CMSS1: variants seen among roughly 807,000 people sequenced by gnomAD.
CMSS1 encodes the protein protein CMSS1.
A neutral mutation model predicts 43.5 loss-of-function variants in CMSS1; 33 were observed. The ratio of observed to expected loss-of-function variants is 0.76; its 90% confidence interval spans 0.57 to 1.01. The LOEUF (loss-of-function observed/expected upper bound fraction) is 1.01, where lower values mean the gene tolerates loss of function less well. CMSS1 is among the 50% of genes least tolerant of loss of function. The pLI is 0.00. For missense variants in CMSS1, 313 were observed against 326.4 expected (o/e 0.96, Z 0.32); for synonymous variants, 115 against 117.2 (o/e 0.98, Z 0.12).
intron 1 of CMSS1, among the ~76,000 whole-genome samples, chr3:100,030,074 A>G (rs1294292252): frequency 2.6e-5 from 4 of 152,202 alleles, no homozygotes; most frequent in Non-Finnish European, 5.9e-5. Context: ...AAAGGACCTT[A>G]AAACCCTTGT....
chr3:99,976,974 G>A (rs1013398486), intron 1 of CMSS1, among the ~76,000 whole-genome samples: 1 of 152,176 alleles, frequency 6.6e-6, no homozygotes, highest in African/African-American at 2.4e-5. Flanking sequence ...GCACCTTGCA[G>A]GAATTCTATC....
intron 1 of CMSS1, among the ~76,000 whole-genome samples, chr3:99,929,406 A>T (rs1464465290): frequency 6.6e-6 from 1 of 152,222 alleles, no homozygotes; most frequent in African/African-American, 2.4e-5. Flanking sequence ...ATTTCCATTC[A>T]TGTTCAAAAT....
chr3:99,989,988 T>A (rs1270774896), intron 1 of CMSS1, among the ~76,000 whole-genome samples: 1 of 152,126 alleles, frequency 6.6e-6, no homozygotes, highest in Non-Finnish European at 1.5e-5. Context: ...ATAATGCCAG[T>A]GGTTTATTTC....
In CMSS1 at chr3:99,873,364, G is replaced by A. The variant is rs550134463; in HGVS notation, c.64+55321G>A. ...GTATTAGATTTTTCAAAGATGACAG[G>A]CTCTGTGAACAACAGATGGGGCCAT... is the stretch of plus-strand genomic sequence containing the variant. On this transcript the variant is annotated intron_variant, in intron 1 of 9. Coordinates refer to ENST00000421999, the MANE Select transcript of CMSS1 (RefSeq NM_032359.4). Among the ~76,000 whole-genome samples, 138 of 152,288 alleles carry A rather than the reference G, an allele frequency of 9.1e-4. 1 individual carries two copies. Among genetic ancestry groups the A allele is most frequent in the South Asian group, 6.2e-3 (30 of 4,824 alleles).
At chr3:99,877,476 T>C (rs1705573727) in intron 1 of CMSS1, among the ~76,000 whole-genome samples, 1 of 152,166 alleles carries the variant, frequency 6.6e-6, no homozygotes. Flanking sequence ...GGAGTTCACT[T>C]TATCATTATT....
chr3:99,995,371 G>A (rs1349159944), intron 1 of CMSS1, among the ~76,000 whole-genome samples: 2 of 152,174 alleles, frequency 1.3e-5, no homozygotes, highest in Admixed American at 1.3e-4. Context: ...ATGGTCTTAG[G>A]CAGCTCAGCC....
At chr3:99,964,796 A>G (rs1480935312) in intron 1 of CMSS1, among the ~76,000 whole-genome samples, 2 of 152,148 alleles carry the variant, frequency 1.3e-5, no homozygotes, top group Non-Finnish European at 2.9e-5. Context: ...AGGCTACCCA[A>G]GGGGGATCAT....
chr3:99,956,636 C>G (rs566306572), intron 1 of CMSS1, among the ~76,000 whole-genome samples: 8 of 152,314 alleles, frequency 5.3e-5, no homozygotes, highest in Middle Eastern at 3.4e-3. Flanking sequence ...CGTGAGCCCC[C>G]GCGCCCAGCC....
At chr3:99,920,255 C>T (rs1168448751) in intron 1 of CMSS1, among the ~76,000 whole-genome samples, 6 of 151,876 alleles carry the variant, frequency 4.0e-5, no homozygotes, top group African/African-American at 1.5e-4. Flanking sequence ...CAAAAAAAAG[C>T]AACTCTTTTT....
intron 4 of CMSS1, among the ~76,000 whole-genome samples, chr3:100,165,669 G>C (rs1383037534): frequency 1.3e-5 from 2 of 151,964 alleles, no homozygotes; most frequent in African/African-American, 4.8e-5. Context: ...TGGACACCTA[G>C]GTTGCTTCAA....
chr3:99,965,219 A>G (rs1451609363), intron 1 of CMSS1, among the ~76,000 whole-genome samples: 2 of 152,226 alleles, frequency 1.3e-5, no homozygotes, highest in Admixed American at 6.5e-5. Flanking sequence ...AAACAAATAT[A>G]TGAGTCAGGT....
intron 2 of CMSS1, among the ~76,000 whole-genome samples, chr3:100,155,265 G>A (rs2066961537): frequency 1.3e-5 from 2 of 152,108 alleles, no homozygotes; most frequent in South Asian, 4.2e-4. Flanking sequence ...TATGATGATG[G>A]AAATATTGTT....
At chr3:100,109,467 CT>C (rs1185892839) in intron 1 of CMSS1, among the ~76,000 whole-genome samples, 3 of 152,142 alleles carry the variant, frequency 2.0e-5, no homozygotes, top group Admixed American at 1.3e-4. Flanking sequence ...CCTGCTCACC[CT>C]TTTGTAGTCA....
chr3:100,148,369 A>G (rs901152181), intron 2 of CMSS1, among the ~76,000 whole-genome samples: 1 of 152,160 alleles, frequency 6.6e-6, no homozygotes, highest in East Asian at 1.9e-4. Context: ...CATGAGCCGC[A>G]GTGCCTGGCT....
At chr3:100,139,905 A>G (rs1211927864) in intron 1 of CMSS1, among the ~76,000 whole-genome samples, 2 of 152,000 alleles carry the variant, frequency 1.3e-5, no homozygotes, top group Non-Finnish European at 2.9e-5. Context: ...TATAAATTAG[A>G]ACAGCAGAGT....
rs1403724250 is a variant in CMSS1, at chr3:100,181,165, A to T, written c.*2777A>T. 6.6e-6 allele frequency: 1 copy of T among 152,248 alleles called. No homozygotes were observed. The highest frequency in any genetic ancestry group is 6.5e-5 in the Admixed American group (1 of 15,292). 9.4% of individuals were successfully genotyped at this position (152,248 alleles called of 1,614,324 possible). Reference sequence around the variant, plus strand: ...CCCCAACACTGGGAATTACAATTCGACATGAAACTTGGGTGGGGACACAGC... The same window carrying T: ...CCCCAACACTGGGAATTACAATTCGTCATGAAACTTGGGTGGGGACACAGC... On this transcript the variant is annotated 3_prime_UTR_variant, in exon 10 of 10. Coordinates refer to ENST00000421999, the MANE Select transcript of CMSS1 (RefSeq NM_032359.4).
At chr3:100,009,673 A>T (rs1441396055) in intron 1 of CMSS1, among the ~76,000 whole-genome samples, 1 of 152,246 alleles carries the variant, frequency 6.6e-6, no homozygotes, top group Non-Finnish European at 1.5e-5. Flanking sequence ...AAGAAAGTCA[A>T]CAGAGGAAAT....
intron 1 of CMSS1, among the ~76,000 whole-genome samples, chr3:100,102,173 C>A (rs2066319896): frequency 6.6e-6 from 1 of 152,154 alleles, no homozygotes; most frequent in South Asian, 2.1e-4. Flanking sequence ...ATTTCTAGTT[C>A]TAGATCCCTG....
intron 1 of CMSS1, among the ~76,000 whole-genome samples, chr3:99,853,353 A>G (rs1943799742): frequency 6.6e-6 from 1 of 152,254 alleles, no homozygotes; most frequent in Non-Finnish European, 1.5e-5. Flanking sequence ...ACAGTTTCAC[A>G]AAAGCTTTTA....
Sources: gnomAD v4.1 joint callset for allele counts (sites outside exome capture counted in the v4.1 genomes callset) on GRCh38, gnomAD v4.1.1 for gene constraint, MANE v1.5 for transcripts, NCBI Gene and HGNC (gene_info 2026-07-23, HGNC 2026-07-21) for gene names.